The following RHOJ variants were observed in gnomAD, a reference collection of about 807,000 sequenced individuals.
RHOJ encodes the protein ras homolog family member J.
RHOJ carries 11 observed loss-of-function variants against 23.4 expected under a neutral mutation model. The ratio of observed to expected loss-of-function variants is 0.47; its 90% confidence interval spans 0.30 to 0.78. The LOEUF (loss-of-function observed/expected upper bound fraction) is 0.78, where lower values mean the gene tolerates loss of function less well. Ranked by LOEUF, RHOJ falls within the 30% of genes least tolerant of loss-of-function variation. RHOJ has a pLI of 0.08. For missense variants in RHOJ, 254 were observed against 273.4 expected (o/e 0.93, Z 0.50); for synonymous variants, 102 against 102.7 (o/e 0.99, Z 0.04).
At chr14:63,229,667 T>A (rs1894655330) in intron 1 of RHOJ, among the ~76,000 whole-genome samples, 1 of 152,154 alleles carries the variant, frequency 6.6e-6, no homozygotes, top group South Asian at 2.1e-4. Flanking sequence ...CAGATTCTTC[T>A]CTTGTTTTAA....
chr14:63,279,432 T>C (rs1881829029), intron 2 of RHOJ, among the ~76,000 whole-genome samples: 1 of 152,252 alleles, frequency 6.6e-6, no homozygotes, highest in South Asian at 2.1e-4. Context: ...CACACAAAGT[T>C]ACTGTCTGTT....
chr14:63,258,350 T>C (rs1172912268), intron 1 of RHOJ, among the ~76,000 whole-genome samples: 1 of 151,916 alleles, frequency 6.6e-6, no homozygotes, highest in Non-Finnish European at 1.5e-5. Flanking sequence ...GCCTTGACAG[T>C]GTCATACTTT....
intron 2 of RHOJ, among the ~76,000 whole-genome samples, chr14:63,271,812 C>G (rs1895476164): frequency 6.6e-6 from 1 of 152,062 alleles, no homozygotes; most frequent in Non-Finnish European, 1.5e-5. Context: ...TGCCCAGGCT[C>G]GTCTCAAACT....
intron 2 of RHOJ, among the ~76,000 whole-genome samples, chr14:63,275,948 C>T (rs945299469): frequency 2.6e-5 from 4 of 152,180 alleles, no homozygotes; most frequent in Admixed American, 1.3e-4. Context: ...AATCCTGACC[C>T]CTTTACCATA....
chr14:63,236,014 T>C (rs1018390385), intron 1 of RHOJ, among the ~76,000 whole-genome samples: 2 of 152,220 alleles, frequency 1.3e-5, no homozygotes, highest in South Asian at 2.1e-4. Flanking sequence ...CTTAAATACA[T>C]TTCTTAATTA....
At chr14:63,221,864 C>G (rs1287591984) in intron 1 of RHOJ, among the ~76,000 whole-genome samples, 1 of 151,862 alleles carries the variant, frequency 6.6e-6, no homozygotes, top group Non-Finnish European at 1.5e-5. Flanking sequence ...AGGGTACATG[C>G]GCACAACGTG....
intron 1 of RHOJ, among the ~76,000 whole-genome samples, chr14:63,224,037 T>G (rs1371821324): frequency 1.3e-5 from 2 of 152,176 alleles, no homozygotes; most frequent in Non-Finnish European, 2.9e-5. Flanking sequence ...CCCAGGCAAC[T>G]AATCCTTTGC....
chr14:63,223,327 C>T (rs1894533011), intron 1 of RHOJ, among the ~76,000 whole-genome samples: 1 of 152,180 alleles, frequency 6.6e-6, no homozygotes, highest in Non-Finnish European at 1.5e-5. Flanking sequence ...TGACAGATGA[C>T]TCTTCCTTAG....
chr14:63,281,520 T>C (rs1881899076), intron 3 of RHOJ, among the ~76,000 whole-genome samples: 1 of 151,956 alleles, frequency 6.6e-6, no homozygotes, highest in Non-Finnish European at 1.5e-5. Flanking sequence ...ACAAAATAGG[T>C]AGGAGTGTCA....
chr14:63,275,111 G>A (rs1026271904), intron 2 of RHOJ, among the ~76,000 whole-genome samples: 8 of 152,172 alleles, frequency 5.3e-5, no homozygotes, highest in East Asian at 1.9e-4. Context: ...TACTGAATAA[G>A]AATTTGCACT....
rs866127658 is a variant in RHOJ at position 63,224,945 on chromosome 14, T to C, written c.178+19898T>C. Among the ~76,000 whole-genome samples, 6 of 129,562 alleles carry C rather than the reference T, an allele frequency of 4.6e-5. No individual in the cohort carries two copies. In the South Asian group the frequency reaches 1.6e-3, roughly 34 times the overall value. The allele number at this position is 129,562 out of a possible 152,430, so 85.0% of individuals were successfully genotyped here. On this transcript the variant is annotated intron_variant, in intron 1 of 4. Coordinates refer to ENST00000316754, the MANE Select transcript of RHOJ (RefSeq NM_020663.5). Reference sequence around the variant, plus strand: ...CAACTATCACTTAAATAAACTATCATTTATACTTTTTTTTTTTTTTTTTTT... The same window carrying C: ...CAACTATCACTTAAATAAACTATCACTTATACTTTTTTTTTTTTTTTTTTT...
In RHOJ at chr14:63,227,290, G is replaced by A. The variant is rs114768777; in HGVS notation, c.178+22243G>A. On this transcript the variant is annotated intron_variant, in intron 1 of 4. Transcript: ENST00000316754. ...TTATATTCAGCAAATAATACTTCAA[G>A]TAATGGCTACAAATAAACTGTTTTG... Among the ~76,000 whole-genome samples, 272 of 152,282 alleles carry A rather than the reference G, an allele frequency of 1.8e-3. 1 individual carries two copies. Among genetic ancestry groups the A allele is most frequent in the African/African-American group, 6.2e-3 (258 of 41,552 alleles).
Position 63,281,084 on chromosome 14 carries a change from C to A in RHOJ, c.351C>A (p.Pro117=). 1 of 1,614,072 alleles carries A rather than the reference C, an allele frequency of 6.2e-7. No individual in the cohort carries two copies. The highest frequency in any genetic ancestry group is 8.5e-7 in the Non-Finnish European group (1 of 1,179,984). The change falls in exon 3 of 5, where the codon CCC becomes CCA. Residue 117 remains proline (P), a synonymous_variant. Coordinates refer to ENST00000316754, the MANE Select transcript of RHOJ (RefSeq NM_020663.5). ...SYHNVQEEWV[P]ELKDCMPHVP... ...ACAATGTCCAGGAGGAATGGGTCCC[C>A]GAGCTCAAGGACTGCATGCCTCACG...
intron 1 of RHOJ, among the ~76,000 whole-genome samples, chr14:63,219,743 G>C (rs2139735843): frequency 6.6e-6 from 1 of 151,986 alleles, no homozygotes; most frequent in South Asian, 2.1e-4. Context: ...TTGAACCCAG[G>C]AGGCGGAGGT....
At chr14:63,287,937 C>G (rs1882131792) in intron 4 of RHOJ, among the ~76,000 whole-genome samples, 1 of 152,132 alleles carries the variant, frequency 6.6e-6, no homozygotes, top group African/African-American at 2.4e-5. Flanking sequence ...CATTTCACAT[C>G]TTTGAGGACA....
chr14:63,283,050 G>A (rs1881960931), intron 3 of RHOJ, 71 bp from the exon 4 acceptor site: 2 of 1,222,182 alleles, frequency 1.6e-6, no homozygotes, highest in Non-Finnish European at 2.4e-6. Flanking sequence ...AAGACTCTAT[G>A]ATGTCACAGT....
intron 1 of RHOJ, among the ~76,000 whole-genome samples, chr14:63,253,050 CT>C (rs900400885): frequency 2.6e-5 from 4 of 152,224 alleles, no homozygotes; most frequent in Non-Finnish European, 5.9e-5. Context: ...AGCCCTGAAT[CT>C]GTATAGAAAT....
chr14:63,272,329 G>A (rs1895486167), intron 2 of RHOJ, among the ~76,000 whole-genome samples: 1 of 152,176 alleles, frequency 6.6e-6, no homozygotes, highest in Non-Finnish European at 1.5e-5. Flanking sequence ...GTGCTGGATA[G>A]CTAAAGAACA....
intron 2 of RHOJ, among the ~76,000 whole-genome samples, chr14:63,273,484 G>C (rs959369737): frequency 6.6e-6 from 1 of 152,216 alleles, no homozygotes; most frequent in Non-Finnish European, 1.5e-5. Context: ...CTTCAGGAGA[G>C]ACCAAGTGGA....
Sources: gnomAD v4.1 joint callset for allele counts (sites outside exome capture counted in the v4.1 genomes callset) on GRCh38, gnomAD v4.1.1 for gene constraint, MANE v1.5 for transcripts, NCBI Gene and HGNC (gene_info 2026-07-23, HGNC 2026-07-21) for gene names.